PDE6B: variants seen among roughly 807,000 people sequenced by gnomAD.
PDE6B encodes rod cGMP-specific 3',5'-cyclic phosphodiesterase subunit beta.
In PDE6B, 106 loss-of-function variants were observed where a neutral mutation model predicts 109.0. That is an observed-to-expected ratio of 0.97 (90% CI 0.83 to 1.14). The LOEUF (loss-of-function observed/expected upper bound fraction) is 1.14, where lower values mean the gene tolerates loss of function less well. PDE6B is among the 50% of genes most tolerant of loss of function. PDE6B has a pLI of 0.00. For missense variants in PDE6B, 1,193 were observed against 1,155.6 expected (o/e 1.03, Z -0.47); for synonymous variants, 490 against 471.3 (o/e 1.04, Z -0.51).
Position 653,721 on chromosome 4 carries a change from T to G in PDE6B, c.712-131T>G. 2 of 1,037,388 alleles carry G rather than the reference T, an allele frequency of 1.9e-6. 1 individual carries two copies. The highest frequency in any genetic ancestry group is 2.7e-5 in the South Asian group (2 of 75,344). 64.3% of individuals were successfully genotyped at this position (1,037,388 alleles called of 1,614,324 possible). A position where few individuals can be genotyped will look rare whatever the true frequency, so the allele number is the denominator to read the frequency against. ...CCACCAATCAGGGTCTGTGCCAGGC[T>G]CCACGGCTGGGCAGGTGGTCAGATC... On this transcript the variant is annotated intron_variant, in intron 3 of 21. Coordinates refer to ENST00000496514, the MANE Select transcript of PDE6B (RefSeq NM_000283.4).
chr4:668,050 C>T (rs750268394), intron 21 of PDE6B, 44 bp downstream of exon 21: 1 of 1,578,784 alleles, frequency 6.3e-7, no homozygotes, highest in Non-Finnish European at 8.7e-7. Context: ...CGGTGACTCT[C>T]CCAAGGCAAA....
At chr4:661,841 A>C (rs1177228925) in intron 12 of PDE6B, 1 of 471,250 alleles carries the variant, frequency 2.1e-6, no homozygotes, top group African/African-American at 2.0e-5. Flanking sequence ...TCCTCCTCCC[A>C]GCTTGAGGCC....
intron 3 of PDE6B, chr4:653,642 C>T (rs1178821676): frequency 1.6e-6 from 1 of 644,094 alleles, no homozygotes; most frequent in Non-Finnish European, 2.7e-6. Flanking sequence ...CTCGAGGCCT[C>T]ACCGCCAGCC....
At position 636,947 on chromosome 4, in the gene PDE6B, G is replaced by A. The variant is rs1734714676; in HGVS notation, c.711+978G>A. Among the ~76,000 whole-genome samples the A allele has an allele frequency of 6.6e-6, 1 of 152,232 alleles. No homozygotes were observed. The highest frequency in any genetic ancestry group is 2.4e-5 in the African/African-American group (1 of 41,458). ...AATCCAAGCAGGCCTCTCACGGCCA[G>A]GGCCGTGGGAACCAGGGACCAGGGA... On this transcript the variant is annotated intron_variant, in intron 3 of 21. Coordinates refer to ENST00000496514, the MANE Select transcript of PDE6B (RefSeq NM_000283.4). This position sits in a 1 kb window ranked among gnomAD's most constrained non-coding sequence, Gnocchi z 4.5.
chr4:637,727 G>A (rs1734759527), intron 3 of PDE6B, among the ~76,000 whole-genome samples: 1 of 152,240 alleles, frequency 6.6e-6, no homozygotes, highest in South Asian at 2.1e-4. Flanking sequence ...TGCTCTGCCA[G>A]CCCTCGCTCG....
intron 3 of PDE6B, among the ~76,000 whole-genome samples, chr4:642,804 G>C (rs1011011350): frequency 3.0e-4 from 45 of 149,858 alleles, no homozygotes; most frequent in Non-Finnish European, 5.5e-4. Flanking sequence ...ACTTGAGGAA[G>C]TTCTCTCTAT....
At chr4:653,069 AT>A in intron 3 of PDE6B, 2 of 503,778 alleles carry the variant, frequency 4.0e-6, no homozygotes, top group Non-Finnish European at 5.1e-6. Context: ...AGCTACGAAC[AT>A]CTCACTGCCC....
At chr4:655,370 TG>T in intron 6 of PDE6B, 2 of 279,832 alleles carry the variant, frequency 7.1e-6, no homozygotes, top group Non-Finnish European at 1.4e-5. Flanking sequence ...GGTGGCCCAG[TG>T]GCCCTGTGAT....
At chr4:634,472 A>G (rs1273619401) in intron 1 of PDE6B, among the ~76,000 whole-genome samples, 1 of 152,122 alleles carries the variant, frequency 6.6e-6, no homozygotes, top group African/African-American at 2.4e-5. Flanking sequence ...TCCTCCGCAC[A>G]GGGGTGCATG....
intron 3 of PDE6B, among the ~76,000 whole-genome samples, chr4:643,721 T>C (rs1198580005): frequency 6.6e-6 from 1 of 151,894 alleles, no homozygotes; most frequent in Non-Finnish European, 1.5e-5. Flanking sequence ...TAATATTTAT[T>C]ATTTATTTTC....
rs1041212019 is a variant in PDE6B, at chr4:636,044, C to T, written c.711+75C>T. The T allele has an allele frequency of 1.4e-5, 12 of 881,876 alleles. No homozygotes were observed. The highest frequency in any genetic ancestry group is 1.3e-4 in the African/African-American group (8 of 61,238). The allele number at this position is 881,876 out of a possible 1,614,324, so 54.6% of individuals were successfully genotyped here. ...GCCCATCTCGCTGCCTGCACAGAGGCGGGTGGTGGCAGGTGGTCTTGTGCT... is the reference window on the plus strand; with the variant it reads ...GCCCATCTCGCTGCCTGCACAGAGGTGGGTGGTGGCAGGTGGTCTTGTGCT... On this transcript the variant is annotated intron_variant, in intron 3 of 21. Coordinates refer to ENST00000496514, the MANE Select transcript of PDE6B (RefSeq NM_000283.4). The surrounding 1 kb of genome is among the most constrained non-coding windows in gnomAD (Gnocchi z 4.5).
intron 3 of PDE6B, among the ~76,000 whole-genome samples, chr4:649,435 C>T (rs1194373765): frequency 1.3e-5 from 2 of 152,032 alleles, no homozygotes; most frequent in Admixed American, 1.3e-4. Flanking sequence ...GCTCCTGGGG[C>T]TGGGGCTTCA....
rs540060536 is a variant in PDE6B at position 626,894 on chromosome 4, G to A, written c.468+800G>A. Among the ~76,000 whole-genome samples, 67 of 152,318 alleles carry A rather than the reference G, an allele frequency of 4.4e-4. No individual in the cohort carries two copies. The highest frequency in any genetic ancestry group is 1.4e-3 in the African/African-American group (59 of 41,578). ...GCCAGCAGAGACCTGGAAAGGCCCT[G>A]AGGAGCTGCCCGGCAAGGGGGCTCT... On this transcript the variant is annotated intron_variant, in intron 1 of 21. Transcript: ENST00000496514. The surrounding 1 kb of genome is among the most constrained non-coding windows in gnomAD (Gnocchi z 4.6).
Position 662,232 on chromosome 4 carries a change from G to A in PDE6B, c.1713G>A (p.Thr571=), listed in dbSNP as rs148025711. The change falls in exon 13 of 22, where the codon ACG becomes ACA. Residue 571 remains threonine (T), a synonymous_variant. Transcript: ENST00000496514. The surrounding 1 kb of genome is among the most constrained non-coding windows in gnomAD (Gnocchi z 4.3). ...TCAACGTGGCCCAGACGATGTTCAC[G>A]CTGCTCATGGTACGTGGCTGCCAGA... ...HGFNVAQTMF[T]LLMTGKLKSY... 4.0e-5 allele frequency: 62 copies of A among 1,547,664 alleles called. No homozygotes were observed. The highest frequency in any genetic ancestry group is 8.2e-5 in the African/African-American group (6 of 73,482).
At chr4:654,372 G>A (rs944631607) in intron 5 of PDE6B, 26 of 673,538 alleles carry the variant, frequency 3.9e-5, no homozygotes, top group South Asian at 6.2e-5. Context: ...GGGCCGCCAG[G>A]CTGGTCGTGA....
At chr4:667,768 T>C (rs1481771056) in intron 20 of PDE6B, 88 bp from the exon 21 acceptor site, 1 of 1,393,460 alleles carries the variant, frequency 7.2e-7, no homozygotes, top group Non-Finnish European at 1.0e-6. Flanking sequence ...GTTCATCCCC[T>C]ACGAGGGGGA....
intron 3 of PDE6B, 167 bp from the exon 4 acceptor site, chr4:653,685 T>C (rs1398470925): frequency 8.9e-6 from 7 of 787,780 alleles, no homozygotes; most frequent in African/African-American, 8.5e-5. Flanking sequence ...AGATGAAACC[T>C]GGCCACGGAG....
chr4:635,830 A>C, intron 2 of PDE6B, 50 bp from the exon 3 acceptor site: 1 of 968,138 alleles, frequency 1.0e-6, no homozygotes, highest in Non-Finnish European at 1.7e-6. Context: ...ACGGGGGCAC[A>C]TGTCTGAAAA....
chr4:668,394 C>T (rs895020532), intron 21 of PDE6B, among the ~76,000 whole-genome samples: 5 of 151,380 alleles, frequency 3.3e-5, no homozygotes, highest in Admixed American at 2.0e-4. Context: ...GTTTGGCTTG[C>T]TATTCCCGCT....
Sources: gnomAD v4.1 joint callset for allele counts (sites outside exome capture counted in the v4.1 genomes callset) on GRCh38, gnomAD v4.1.1 for gene constraint, Gnocchi (gnomAD v3.1) non-coding constraint, MANE v1.5 for transcripts, NCBI Gene and HGNC (gene_info 2026-07-23, HGNC 2026-07-21) for gene names.